The following LENG8 variants were observed in gnomAD, a reference collection of about 807,000 sequenced individuals.
LENG8 encodes leukocyte receptor cluster member 8.
LENG8 carries 28 observed loss-of-function variants against 102.1 expected under a neutral mutation model. The observed-to-expected ratio is 0.27, with a 90% CI of 0.20 to 0.38. LENG8 has a LOEUF of 0.38. LENG8 is among the 10% of genes least tolerant of loss of function. The pLI is 1.00. For missense variants in LENG8, 1,022 were observed against 1,113.9 expected, an observed-to-expected ratio of 0.92 and a Z score of 1.17; for synonymous variants, 531 against 456.7, an observed-to-expected ratio of 1.16 and a Z score of -2.07.
intron 15 of LENG8, chr19:54,459,294 A>G (rs1600007694): frequency 9.9e-7 from 1 of 1,014,240 alleles, no homozygotes; most frequent in Non-Finnish European, 1.2e-6. Context: ...GCCAAGGTGG[A>G]GAAATTCTGG....
chr19:54,460,042 C>A, intron 15 of LENG8: 1 of 1,285,618 alleles, frequency 7.8e-7, no homozygotes, highest in Admixed American at 2.3e-5. Context: ...TGTGTCAGCA[C>A]CTTCCCCCCA....
chr19:54,455,468 A>T lies in LENG8; in HGVS notation c.926A>T (p.Asp309Val). Residue 309 changes from aspartate (D) to valine (V), a missense_variant, in exon 8 of 16, where the codon GAC (aspartate) becomes GTC (valine). Asp to Val is a radical substitution (Grantham distance 152, BLOSUM62 -3). Around this residue, in one of 7 missense-constraint regions of LENG8, gnomAD observed 24 missense variants for 47.9 expected, o/e 0.50. Coordinates refer to ENST00000326764, the MANE Select transcript of LENG8 (RefSeq NM_052925.4). The stretch of plus-strand genomic sequence containing the variant: ...TTCACCGCCTGTGAGTCGGAGGAGG[A>T]CAAGGACCGCACGGAAAAGCTGCTC... ...RCFTACESEE[D>V]KDRTEKLLKE... is the part of the protein sequence containing the mutation. 1 of 1,614,126 alleles carries T rather than the reference A, an allele frequency of 6.2e-7. No individual in the cohort carries two copies. The highest frequency in any genetic ancestry group is 8.5e-7 in the Non-Finnish European group (1 of 1,180,040).
chr19:54,458,780 AC>A, intron 15 of LENG8: 1 of 1,550,290 alleles, frequency 6.5e-7, no homozygotes, highest in Non-Finnish European at 8.7e-7. Context: ...CCTCTTCTCC[AC>A]CCCATCTGTG....
chr19:54,455,897 G>A (rs1387323184), intron 8 of LENG8, 70 bp from the exon 9 acceptor site: 4 of 1,513,830 alleles, frequency 2.6e-6, no homozygotes, highest in African/African-American at 2.8e-5. Context: ...GGTACCTTGA[G>A]GGAGGTGGTG....
In LENG8 at chr19:54,454,622, C is replaced by T. The variant is rs1448731594; in HGVS notation, c.619C>T (p.His207Tyr). The part of the protein sequence containing the change: ...GPATGQAYGP[H>Y]TYTEPAKPKK... ...CGCCACGGGCCAGGCCTATGGGCCACACACCTACACCGAACCTGCCAAGCC... is the reference window on the plus strand; with the variant it reads ...CGCCACGGGCCAGGCCTATGGGCCATACACCTACACCGAACCTGCCAAGCC... Residue 207 changes from histidine to tyrosine, a missense_variant, in exon 6 of 16, where the codon CAC (histidine) becomes TAC (tyrosine). Physicochemically the swap from His to Tyr is moderately conservative, Grantham distance 83. This residue lies in a region of LENG8 where 343 missense variants were observed against 320.2 expected (regional missense o/e 1.07). Coordinates refer to ENST00000326764, the MANE Select transcript of LENG8 (RefSeq NM_052925.4). 2 of 1,609,814 alleles carry T rather than the reference C, an allele frequency of 1.2e-6. No individual in the cohort carries two copies. Among genetic ancestry groups the T allele is most frequent in the Non-Finnish European group, 1.7e-6 (2 of 1,179,282 alleles).
Position 54,461,374 on chromosome 19 carries a change from C to A in LENG8, c.*446C>A. ...GGCACCCAGCAAGCCCGCCCACCGC[C>A]CGCTGCCTCACCTGCTTCGCCACAG... On this transcript the variant is annotated 3_prime_UTR_variant, in exon 16 of 16. Coordinates refer to ENST00000326764, the MANE Select transcript of LENG8 (RefSeq NM_052925.4). 1 of 458,680 alleles carries A rather than the reference C, an allele frequency of 2.2e-6. No individual in the cohort carries two copies. The highest frequency in any genetic ancestry group is 1.6e-5 in the South Asian group (1 of 64,482). The allele number at this position is 458,680 out of a possible 1,614,324, so 28.4% of individuals were successfully genotyped here. A position where few individuals can be genotyped will look rare whatever the true frequency, so the allele number is the denominator to read the frequency against.
chr19:54,460,618 GGGGAGGCT>G, intron 15 of LENG8, 140 bp from the exon 16 acceptor site: 3 of 1,430,814 alleles, frequency 2.1e-6, no homozygotes, highest in Non-Finnish European at 2.7e-6. Context: ...CCCCTGAGGT[GGGGAGGCT>G]GGGAGGCGGG....
intron 11 of LENG8, among the ~76,000 whole-genome samples, 187 bp from the exon 12 acceptor site, chr19:54,457,560 C>G (rs1262031143): frequency 1.3e-5 from 2 of 152,034 alleles, no homozygotes; most frequent in Admixed American, 1.3e-4. Context: ...AGGTTGGTCT[C>G]AAACTCCTGA....
chr19:54,457,351 CTT>C (rs1172735314), intron 11 of LENG8, among the ~76,000 whole-genome samples: 1 of 152,138 alleles, frequency 6.6e-6, no homozygotes, highest in Non-Finnish European at 1.5e-5. Flanking sequence ...TTTGTTTTCT[CTT>C]TTTTTGGGAG....
chr19:54,459,391 C>T, intron 15 of LENG8: 1 of 992,056 alleles, frequency 1.0e-6, no homozygotes, highest in Non-Finnish European at 1.2e-6. Flanking sequence ...AGCATGGAGG[C>T]CTTGAGAGCC....
chr19:54,452,391 G>GTATC, intron 3 of LENG8, 124 bp downstream of exon 3: 1 of 909,782 alleles, frequency 1.1e-6, no homozygotes, highest in Non-Finnish European at 1.6e-6. Context: ...ACGTTCCAGG[G>GTATC]TATCTAAATC....
chr19:54,459,172 A>G, intron 15 of LENG8: 1 of 1,219,732 alleles, frequency 8.2e-7, no homozygotes, highest in African/African-American at 1.5e-5. Context: ...GACGCTGGGC[A>G]ATGTCAAGAG....
chr19:54,458,994 CCTGTGTT>C lies in LENG8; in HGVS notation c.2240+474_2240+480del, dbSNP rs913971588. 5.5e-6 allele frequency: 8 copies of C among 1,450,102 alleles called. No homozygotes were observed. In the African/African-American group the frequency reaches 1.0e-4, roughly 18 times the overall value. 89.8% of individuals were successfully genotyped at this position (1,450,102 alleles called of 1,614,324 possible). A position where few individuals can be genotyped will look rare whatever the true frequency, so the allele number is the denominator to read the frequency against. ...AGCACCAGAAACGCTTAGGGAGACACCTGTGTTGAGGCCACACTGGGCGCGGTGCCAG... is the reference window on the plus strand; with the variant it reads ...AGCACCAGAAACGCTTAGGGAGACACGAGGCCACACTGGGCGCGGTGCCAG... On this transcript the variant is annotated intron_variant, in intron 15 of 15. Transcript: ENST00000326764.
At chr19:54,460,602 C>A (rs1301615512) in intron 15 of LENG8, 164 bp from the exon 16 acceptor site, 8 of 1,423,952 alleles carry the variant, frequency 5.6e-6, no homozygotes, top group Middle Eastern at 2.6e-4. Context: ...CCGGGCCCCC[C>A]CCGAGCCCCT....
In LENG8 at chr19:54,462,000, AAG is replaced by A. The variant is rs2084594478; in HGVS notation, c.*1078_*1079del. The A allele has an allele frequency of 2.1e-5, 30 of 1,415,570 alleles. No homozygotes were observed. Among genetic ancestry groups the A allele is most frequent in the East Asian group, 4.5e-5 (2 of 43,962 alleles). The allele number at this position is 1,415,570 out of a possible 1,614,324, so 87.7% of individuals were successfully genotyped here. On this transcript the variant is annotated 3_prime_UTR_variant, in exon 16 of 16. Transcript: ENST00000326764. The stretch of plus-strand genomic sequence containing the variant: ...GGAAGCTTGAGAGAAACCAAAATTA[AAG>A]AGAGAAAGAGAGAGCGTGCACGCTC...
Position 54,456,054 on chromosome 19 carries a change from G to T in LENG8, c.1113G>T (p.Ser371=). 1 of 1,611,262 alleles carries T rather than the reference G, an allele frequency of 6.2e-7. No individual in the cohort carries two copies. Among genetic ancestry groups the T allele is most frequent in the Non-Finnish European group, 8.5e-7 (1 of 1,178,414 alleles). The stretch of plus-strand genomic sequence containing the variant: ...TTCACCCTCCTAGAGGGGCAGGCTC[G>T]GCGACAAGGGGCGGGGGTGCCCCGT... The part of the protein sequence containing the change: ...SSLHPPRGAG[S]ATRGGGAPSQ... The change falls in exon 9 of 16, where the codon TCG becomes TCT. Residue 371 remains serine, a synonymous_variant. Transcript: ENST00000326764.
chr19:54,457,304 G>C (rs1335564331), intron 11 of LENG8, among the ~76,000 whole-genome samples: 20 of 152,338 alleles, frequency 1.3e-4, no homozygotes, highest in Admixed American at 1.1e-3. Context: ...AGGGAAATGG[G>C]TGTGGAGGTG....
At position 54,458,522 on chromosome 19, in the gene LENG8, G is replaced by A. The variant is rs1174622793; in HGVS notation, c.2240+1G>A. 1 of 1,614,048 alleles carries A rather than the reference G, an allele frequency of 6.2e-7. No homozygotes were observed. Among genetic ancestry groups the A allele is most frequent in the Non-Finnish European group, 8.5e-7 (1 of 1,180,014 alleles). The stretch of plus-strand genomic sequence containing the variant: ...TCGCCCTCAAGGCCATGATCAAAAC[G>A]TATGTGGTGCCAAGCTCCCTTCTGC... On this transcript the variant is annotated splice_donor_variant, in intron 15 of 15. Coordinates refer to ENST00000326764, the MANE Select transcript of LENG8 (RefSeq NM_052925.4). LOFTEE classifies it high-confidence loss of function.
chr19:54,457,116 G>T (rs2084291062), intron 11 of LENG8, among the ~76,000 whole-genome samples, 195 bp downstream of exon 11: 1 of 152,260 alleles, frequency 6.6e-6, no homozygotes. Flanking sequence ...CCCGCGTGGC[G>T]GGTGTGCAGC....
Sources: allele counts gnomAD v4.1 joint callset (sites outside exome capture counted in the v4.1 genomes callset), GRCh38; gene constraint gnomAD v4.1.1; regional missense constraint gnomAD v4.1.1; transcripts MANE v1.5; gene names NCBI Gene and HGNC (gene_info 2026-07-23, HGNC 2026-07-21).